PABIR3: variants seen among roughly 807,000 people sequenced by gnomAD.
PABIR3 encodes the protein PABIR family member 1.
A neutral mutation model predicts 23.1 loss-of-function variants in PABIR3; 20 were observed. The observed-to-expected ratio is 0.86, with a 90% confidence interval of 0.61 to 1.26. The LOEUF is 1.26. Among genes scored for constraint, PABIR3 ranks in the 50% most tolerant of loss-of-function variants. PABIR3 has a pLI of 0.00. For synonymous variants in PABIR3, 69 were observed against 68.5 expected, an observed-to-expected ratio of 1.01 and a Z score of -0.04; for missense variants, 189 against 195.4, an observed-to-expected ratio of 0.97 and a Z score of 0.20.
At chrX:134,822,285 C>A in intron 3 of PABIR3, 1 of 752,631 alleles carries the variant, frequency 1.3e-6, no homozygotes, top group Non-Finnish European at 1.6e-6. Context: ...GAAAAATTAT[C>A]TAAGGTAATT....
Position 134,854,351 on chromosome X carries a change from T to C in PABIR3, c.*134T>C, listed in dbSNP as rs888711218. 9 of 700,868 alleles carry C rather than the reference T, an allele frequency of 1.3e-5. No individual in the cohort carries two copies. The African/African-American group carries it at 2.0e-4, about 16-fold the overall frequency. The allele number at this position is 700,868 out of a possible 1,213,427, so 57.8% of individuals were successfully genotyped here. On this transcript the variant is annotated 3_prime_UTR_variant, in exon 11 of 11. Transcript: ENST00000645433. ...ATTTAAACTATCTCCTATTTATCTT[T>C]TTTCCTCAATTTCCTAAAATTCTAT...
the PABIR3 span, among the ~76,000 whole-genome samples, chrX:134,860,098 A>AT: frequency 2.4e-3 from 246 of 104,143 alleles, 1 homozygote; most frequent in African/African-American, 3.7e-3. Context: ...AAAACTTCAA[A>AT]TTTTTTTTTT....
intron 2 of PABIR3, chrX:134,810,611 A>G (rs759846744): frequency 2.4e-4 from 181 of 751,511 alleles, no homozygotes; most frequent in Non-Finnish European, 2.8e-4. Context: ...AGCAAGAAAA[A>G]TTTAGAGTAG....
intron 4 of PABIR3, among the ~76,000 whole-genome samples, chrX:134,842,472 G>T (rs1196434164): frequency 9.0e-6 from 1 of 111,103 alleles, no homozygotes; most frequent in Admixed American, 9.6e-5. Flanking sequence ...GCTGGGCGTG[G>T]TGGTGGGCAC....
chrX:134,835,590 AAC>A (rs1387102524), intron 4 of PABIR3: 1 of 111,864 alleles, frequency 8.9e-6, no homozygotes, highest in East Asian at 2.8e-4. Context: ...TAATTTTCTA[AAC>A]ACAGTTATTA....
chrX:134,830,047 T>C (rs776003982), intron 4 of PABIR3, among the ~76,000 whole-genome samples: 59 of 111,660 alleles, frequency 5.3e-4, no homozygotes, highest in Non-Finnish European at 9.8e-4. Flanking sequence ...AACAACTTTA[T>C]AAGGTCAGAA....
At chrX:134,828,872 A>T (rs115316576) in intron 3 of PABIR3, among the ~76,000 whole-genome samples, 1 of 111,411 alleles carries the variant, frequency 9.0e-6, no homozygotes, top group Non-Finnish European at 1.9e-5. Flanking sequence ...TAATACCTCT[A>T]CCTAAGCTTT....
intron 2 of PABIR3, among the ~76,000 whole-genome samples, chrX:134,807,935 A>G (rs1029742962): frequency 2.7e-5 from 3 of 110,822 alleles, no homozygotes; most frequent in Non-Finnish European, 1.9e-5. Flanking sequence ...CTGAATCTGA[A>G]CATCCTCCCC....
intron 3 of PABIR3, among the ~76,000 whole-genome samples, chrX:134,826,178 G>A (rs750477953): frequency 1.7e-4 from 19 of 110,858 alleles, no homozygotes; most frequent in Non-Finnish European, 5.7e-5. Flanking sequence ...ATATCTTCAC[G>A]CTTTTGGCCT....
rs377696356 is a variant in PABIR3 at position 134,807,704 on chromosome X, C to T, written c.106C>T (p.Leu36Phe). Residue 36 changes from leucine (L) to phenylalanine (F), a missense_variant, in exon 2 of 11, where the codon CTT becomes TTT. Coordinates refer to ENST00000645433, the MANE Select transcript of PABIR3 (RefSeq NM_001388447.1). Reference protein sequence around the residue: ...RVNSAPLINGLGFNSQVLQAD... With the variant: ...RVNSAPLINGFGFNSQVLQAD... ...CAACAGTGCCCCTTTGATCAATGGA[C>T]TTGGGTGAGCCGGGTTGAGATACTG... is the stretch of plus-strand genomic sequence containing the variant. 1.4e-5 allele frequency: 16 copies of T among 1,175,161 alleles called. No individual in the cohort carries two copies. Among genetic ancestry groups the T allele is most frequent in the Admixed American group, 4.6e-5 (2 of 43,812 alleles).
At chrX:134,825,118 A>G (rs1310924758) in intron 3 of PABIR3, among the ~76,000 whole-genome samples, 1 of 111,897 alleles carries the variant, frequency 8.9e-6, no homozygotes, top group Non-Finnish European at 1.9e-5. Flanking sequence ...TTTCTGTTCA[A>G]TTTCGCTGTG....
In PABIR3 at chrX:134,798,262, G is replaced by A. The variant is rs914945540; in HGVS notation, c.-98+1398G>A. On this transcript the variant is annotated intron_variant, in intron 1 of 4. Coordinates refer to the PABIR3 transcript ENST00000414371. ...GGTGCTAAAGAAATTTACGGAGACA[G>A]TCACAGGTAACGAAAGGCAGATTTA... Among the ~76,000 whole-genome samples, 3 of 112,746 alleles carry A rather than the reference G, an allele frequency of 2.7e-5. No individual in the cohort carries two copies. In the Admixed American group the frequency reaches 2.8e-4, roughly 11 times the overall value.
chrX:134,822,254 T>C, intron 3 of PABIR3: 1 of 751,257 alleles, frequency 1.3e-6, no homozygotes, highest in African/African-American at 2.3e-5. Context: ...TTATTTCTAT[T>C]TTAATACTTT....
intron 2 of PABIR3, chrX:134,811,319 G>A (rs1280059110): frequency 9.8e-6 from 2 of 204,695 alleles, no homozygotes; most frequent in African/African-American, 6.2e-5. Flanking sequence ...TCAGAGATTA[G>A]GTTCTTGTAT....
rs990931411 is a variant in PABIR3, at chrX:134,810,095, TGA to T, written c.110+2388_110+2389del. 5 of 752,230 alleles carry T rather than the reference TGA, an allele frequency of 6.6e-6. No homozygotes were observed. The African/African-American group carries it at 1.2e-4, about 17-fold the overall frequency. 62.0% of individuals were successfully genotyped at this position (752,230 alleles called of 1,213,427 possible). A position where few individuals can be genotyped will look rare whatever the true frequency, so the allele number is the denominator to read the frequency against. ...GCAGTAGGGAGAATGTTGGATTTATTGAAGACAATATAAAAAGAAGAAATAGG... is the reference window on the plus strand; with the variant it reads ...GCAGTAGGGAGAATGTTGGATTTATTAGACAATATAAAAAGAAGAAATAGG... On this transcript the variant is annotated intron_variant, in intron 2 of 10. Coordinates refer to ENST00000645433, the MANE Select transcript of PABIR3 (RefSeq NM_001388447.1).
At chrX:134,821,449 GT>G in intron 3 of PABIR3, 1 of 1,154,848 alleles carries the variant, frequency 8.7e-7, no homozygotes, top group Non-Finnish European at 1.1e-6. Context: ...TGCCATGCCT[GT>G]TCCTTTCTCT....
chrX:134,812,318 A>G (rs1315152439), intron 2 of PABIR3, among the ~76,000 whole-genome samples: 1 of 112,134 alleles, frequency 8.9e-6, no homozygotes, highest in African/African-American at 3.2e-5. Context: ...CTACACATGT[A>G]CACAAAAAAG....
rs111788511 is a variant in PABIR3, at chrX:134,854,336, T to A, written c.*119T>A. 1.8e-5 allele frequency: 14 copies of A among 793,551 alleles called. 2 individuals are homozygous for A. Among genetic ancestry groups the A allele is most frequent in the African/African-American group, 1.7e-4 (8 of 46,455 alleles). 65.4% of individuals were successfully genotyped at this position (793,551 alleles called of 1,213,427 possible). ...GAATTGTACTGTATAATTTAAACTA[T>A]CTCCTATTTATCTTTTTTCCTCAAT... On this transcript the variant is annotated 3_prime_UTR_variant, in exon 11 of 11. Coordinates refer to ENST00000645433, the MANE Select transcript of PABIR3 (RefSeq NM_001388447.1).
intron 3 of PABIR3, among the ~76,000 whole-genome samples, chrX:134,816,097 A>AT (rs919399166): frequency 8.9e-6 from 1 of 111,773 alleles, no homozygotes; most frequent in Non-Finnish European, 1.9e-5. Flanking sequence ...TATTACATTG[A>AT]TTTTTTTCCA....
Sources: gnomAD v4.1 joint callset for allele counts (sites outside exome capture counted in the v4.1 genomes callset) on GRCh38, gnomAD v4.1.1 for gene constraint, MANE v1.5 for transcripts, NCBI Gene and HGNC (gene_info 2026-07-23, HGNC 2026-07-21) for gene names.